The following TNS1 variants were observed in gnomAD, a reference collection of about 807,000 sequenced individuals.
TNS1 encodes tensin-1.
TNS1 carries 62 observed loss-of-function variants against 168.6 expected under a neutral mutation model. The ratio of observed to expected loss-of-function variants is 0.37; its 90% CI spans 0.30 to 0.45. The LOEUF is 0.45. Among genes scored for constraint, TNS1 ranks in the 20% least tolerant of loss-of-function variants. TNS1 has a pLI of 1.00. For synonymous variants in TNS1, 934 were observed against 933.2 expected (o/e 1.00, Z -0.02); for missense variants, 2,240 against 2,339.4 (o/e 0.96, Z 0.88).
intron 7 of TNS1, among the ~76,000 whole-genome samples, chr2:217,899,730 G>A (rs1952732526): frequency 6.6e-6 from 1 of 152,202 alleles, no homozygotes. Context: ...AGTGCCACCA[G>A]CCGGACAGCC....
chr2:217,907,144 A>T (rs566172751), intron 5 of TNS1, 66 bp downstream of exon 5: 14 of 698,456 alleles, frequency 2.0e-5, no homozygotes, highest in Non-Finnish European at 3.1e-5. Context: ...TCCACTCTCC[A>T]CTTCCAGCCT....
intron 1 of TNS1, among the ~76,000 whole-genome samples, chr2:218,028,739 G>A (rs1302322405): frequency 1.3e-5 from 2 of 152,240 alleles, no homozygotes; most frequent in Non-Finnish European, 2.9e-5. Context: ...CTGGGAGGCA[G>A]AAGGGCTGGC....
intron 12 of TNS1, 120 bp from the exon 13 acceptor site, chr2:217,886,766 C>A (rs1951243440): frequency 1.3e-6 from 1 of 758,854 alleles, no homozygotes; most frequent in South Asian, 1.7e-5. Flanking sequence ...TCTCCCCAAC[C>A]AACATGGTCC....
chr2:217,969,314 T>C (rs1490157813), intron 3 of TNS1, among the ~76,000 whole-genome samples: 1 of 152,078 alleles, frequency 6.6e-6, no homozygotes, highest in African/African-American at 2.4e-5. Context: ...TATATAAAAA[T>C]TAACTCAAAA....
intron 12 of TNS1, 132 bp from the exon 13 acceptor site, chr2:217,886,778 C>T (rs1353082180): frequency 1.0e-4 from 73 of 703,162 alleles, no homozygotes; most frequent in Non-Finnish European, 5.0e-5. Context: ...ACATGGTCCC[C>T]CTCCCCAACC....
intron 13 of TNS1, 56 bp downstream of exon 13, chr2:217,886,478 G>A (rs1574953353): frequency 7.2e-7 from 1 of 1,392,134 alleles, no homozygotes; most frequent in East Asian, 2.4e-5. Context: ...AGAGAAGATG[G>A]AAGATGAAAG....
intron 21 of TNS1, among the ~76,000 whole-genome samples, chr2:217,832,123 C>T (rs1944519183): frequency 2.0e-5 from 3 of 152,196 alleles, no homozygotes; most frequent in Non-Finnish European, 2.9e-5. Flanking sequence ...CAGGCCAGCC[C>T]TCGGCCAAGC....
chr2:217,939,034 C>T (rs1056676856), intron 3 of TNS1, among the ~76,000 whole-genome samples: 1 of 152,090 alleles, frequency 6.6e-6, no homozygotes, highest in Non-Finnish European at 1.5e-5. Context: ...AACTCCATCA[C>T]CACCACCACC....
intron 3 of TNS1, among the ~76,000 whole-genome samples, chr2:217,961,992 A>T (rs1428110556): frequency 6.6e-6 from 1 of 152,252 alleles, no homozygotes; most frequent in Admixed American, 6.5e-5. Flanking sequence ...ATTCTGCCTC[A>T]AGAATCTGCA....
intron 3 of TNS1, among the ~76,000 whole-genome samples, chr2:217,939,306 C>T (rs1956790760): frequency 6.6e-6 from 1 of 152,154 alleles, no homozygotes; most frequent in African/African-American, 2.4e-5. Flanking sequence ...CAAGACAGAC[C>T]TCTCAGTCCA....
intron 2 of TNS1, among the ~76,000 whole-genome samples, chr2:217,985,981 G>A (rs142937055): frequency 2.1e-4 from 32 of 152,224 alleles, no homozygotes; most frequent in African/African-American, 6.5e-4. Context: ...GGCCCCTAAA[G>A]CTCCTCCAAA....
At chr2:217,937,238 CCCA>C in intron 3 of TNS1, 1 of 355,230 alleles carries the variant, frequency 2.8e-6, no homozygotes, top group Non-Finnish European at 5.6e-6. Context: ...CAGCCTCATA[CCCA>C]GCACCTTAAC....
chr2:217,918,355 G>A (rs890052), intron 4 of TNS1, among the ~76,000 whole-genome samples: 121,364 of 152,090 alleles, frequency 0.8, 51,488 homozygotes, highest in Non-Finnish European at 0.96. Flanking sequence ...CTGGGGAGGC[G>A]GGTTGTGACT....
At chr2:217,934,679 G>A (rs1956509067) in intron 3 of TNS1, among the ~76,000 whole-genome samples, 1 of 152,240 alleles carries the variant, frequency 6.6e-6, no homozygotes, top group Non-Finnish European at 1.5e-5. Flanking sequence ...AACCCTGACA[G>A]CTGTTGCCCT....
rs1408782310 is a variant in TNS1 at position 217,800,501 on chromosome 2, C to T, written c.*3958G>A. ...TTCCATTGCCCAGCACCTCCAACCC[C>T]GACTCCCAAGTTCCCTAAAGAAATG... On this transcript the variant is annotated 3_prime_UTR_variant, in exon 33 of 33. Coordinates refer to ENST00000682258, the MANE Select transcript of TNS1 (RefSeq NM_001387777.1). The T allele has an allele frequency of 3.3e-5, 5 of 152,334 alleles. No homozygotes were observed. Among genetic ancestry groups the T allele is most frequent in the African/African-American group, 4.8e-5 (2 of 41,444 alleles). The allele number at this position is 152,334 out of a possible 1,614,324, so 9.4% of individuals were successfully genotyped here.
At chr2:217,893,684 G>A (rs1951987461) in intron 9 of TNS1, 123 bp from the exon 10 acceptor site, 1 of 1,397,856 alleles carries the variant, frequency 7.2e-7, no homozygotes, top group South Asian at 1.4e-5. Context: ...GTTCCTGCCA[G>A]GACTTGGTTC....
At chr2:217,852,335 G>T (rs1947618094) in intron 18 of TNS1, among the ~76,000 whole-genome samples, 1 of 152,130 alleles carries the variant, frequency 6.6e-6, no homozygotes, top group South Asian at 2.1e-4. Context: ...TCCTGAGCCA[G>T]GGCACCCCCT....
rs372019051 is a variant in TNS1 at position 217,959,580 on chromosome 2, C to G, written c.186+19185G>C. Among the ~76,000 whole-genome samples, 33 of 151,452 alleles carry G rather than the reference C, an allele frequency of 2.2e-4. No homozygotes were observed. In the East Asian group the frequency reaches 3.7e-3, roughly 17 times the overall value. Reference sequence around the variant, plus strand: ...TGGAACCTTAGCATGGAACCCTAGCCTGGAACCCGGTGCCTTAGCATGGAA... The same window carrying G: ...TGGAACCTTAGCATGGAACCCTAGCGTGGAACCCGGTGCCTTAGCATGGAA... On this transcript the variant is annotated intron_variant, in intron 3 of 32. Transcript: ENST00000682258.
intron 7 of TNS1, among the ~76,000 whole-genome samples, chr2:217,899,792 C>A (rs1283408688): frequency 6.6e-6 from 1 of 152,206 alleles, no homozygotes; most frequent in Non-Finnish European, 1.5e-5. Context: ...AGGAGGGGAT[C>A]CTCTAAGGAG....
Sources: gnomAD v4.1 joint callset for allele counts (sites outside exome capture counted in the v4.1 genomes callset) on GRCh38, gnomAD v4.1.1 for gene constraint, MANE v1.5 for transcripts, NCBI Gene and HGNC (gene_info 2026-07-23, HGNC 2026-07-21) for gene names.